Variants in TRDN observed in about 807,000 individuals in gnomAD.
TRDN encodes the protein triadin in skeletal muscle.
In TRDN, 161 loss-of-function variants were observed where a neutral mutation model predicts 149.7. The ratio of observed to expected loss-of-function variants is 1.08; its 90% CI spans 0.95 to 1.23. The LOEUF is 1.23. TRDN is among the 50% of genes most tolerant of loss of function. The pLI is 0.00. For synonymous variants in TRDN, 294 were observed against 250.5 expected, an observed-to-expected ratio of 1.17 and a Z score of -1.64; for missense variants, 896 against 823.5, an observed-to-expected ratio of 1.09 and a Z score of -1.08.
intron 1 of TRDN, among the ~76,000 whole-genome samples, chr6:123,594,929 GA>G (rs35954821): frequency 0.26 from 38,187 of 148,242 alleles, 5,019 homozygotes; most frequent in East Asian, 0.48. Context: ...ACAAGCAAGT[GA>G]AAAAAAAAAA....
At chr6:123,549,710 A>T (rs1277723161) in intron 2 of TRDN, among the ~76,000 whole-genome samples, 3 of 151,954 alleles carry the variant, frequency 2.0e-5, no homozygotes, top group Non-Finnish European at 2.9e-5. Flanking sequence ...GAACAGGGAG[A>T]TGAGTATGAA....
intron 4 of TRDN, among the ~76,000 whole-genome samples, chr6:123,540,231 G>A (rs1426676658): frequency 6.6e-6 from 1 of 152,138 alleles, no homozygotes; most frequent in Non-Finnish European, 1.5e-5. Context: ...CCAGATTAAT[G>A]GGAGTGAACC....
rs140016455 is a variant in TRDN at position 123,519,846 on chromosome 6, A to G, written c.485-3640T>C. Among the ~76,000 whole-genome samples, 239 of 151,972 alleles carry G rather than the reference A, an allele frequency of 1.6e-3. 1 individual carries two copies. The highest frequency in any genetic ancestry group is 5.4e-3 in the African/African-American group (223 of 41,504). ...ATTTTACTGATTTTTCTTTTAACTAATTCCTCTCATTTTCACATTTCTTGT... is the reference window on the plus strand; with the variant it reads ...ATTTTACTGATTTTTCTTTTAACTAGTTCCTCTCATTTTCACATTTCTTGT... On this transcript the variant is annotated intron_variant, in intron 5 of 40. Transcript: ENST00000334268.
intron 9 of TRDN, chr6:123,470,564 AAG>A (rs1478403514): frequency 6.6e-6 from 1 of 152,222 alleles, no homozygotes; most frequent in Non-Finnish European, 1.5e-5. Flanking sequence ...TGACTGGAGA[AAG>A]AGACTATGTT....
intron 1 of TRDN, among the ~76,000 whole-genome samples, chr6:123,571,678 C>A (rs191554205): frequency 1.3e-3 from 191 of 151,782 alleles, no homozygotes; most frequent in Middle Eastern, 3.4e-3. Context: ...TTAATCTCAC[C>A]ACCCAGAAAT....
chr6:123,567,031 T>C (rs1782329109), intron 2 of TRDN, among the ~76,000 whole-genome samples: 1 of 152,198 alleles, frequency 6.6e-6, no homozygotes, highest in Non-Finnish European at 1.5e-5. Context: ...AGAGCTTCCA[T>C]TGGAGAGCTG....
intron 3 of TRDN, 56 bp downstream of exon 3, chr6:123,548,398 T>TA (rs1183109955): frequency 7.5e-7 from 1 of 1,333,992 alleles, no homozygotes; most frequent in East Asian, 2.7e-5. Context: ...CAAGCCACTA[T>TA]AATACATATT....
chr6:123,584,874 T>C (rs1317467857), intron 1 of TRDN, among the ~76,000 whole-genome samples: 1 of 152,180 alleles, frequency 6.6e-6, no homozygotes, highest in African/African-American at 2.4e-5. Context: ...AACAATTTGG[T>C]TGATAAGGCG....
chr6:123,299,309 G>A (rs990054891), intron 24 of TRDN, among the ~76,000 whole-genome samples: 6 of 151,988 alleles, frequency 3.9e-5, no homozygotes, highest in African/African-American at 7.2e-5. Context: ...TGATGGACAT[G>A]GCTAAAGTAG....
At chr6:123,457,462 A>T (rs764864330) in intron 10 of TRDN, 46 of 346,868 alleles carry the variant, frequency 1.3e-4, no homozygotes, top group Non-Finnish European at 2.4e-4. Flanking sequence ...ATAACAAAAG[A>T]AGAAAGTTGT....
At chr6:123,473,739 G>A (rs955947745) in intron 9 of TRDN, among the ~76,000 whole-genome samples, 20 of 151,722 alleles carry the variant, frequency 1.3e-4, no homozygotes, top group South Asian at 4.2e-4. Flanking sequence ...GACTAACAGC[G>A]GATCTCTCGG....
intron 37 of TRDN, among the ~76,000 whole-genome samples, chr6:123,252,970 T>C (rs980119025): frequency 1.3e-5 from 2 of 152,138 alleles, no homozygotes; most frequent in Admixed American, 1.3e-4. Context: ...AAAATTACTT[T>C]GCATTATGTA....
At chr6:123,345,098 T>G (rs1309464074) in intron 21 of TRDN, among the ~76,000 whole-genome samples, 1 of 152,066 alleles carries the variant, frequency 6.6e-6, no homozygotes, top group Non-Finnish European at 1.5e-5. Context: ...CTTTTGTGTT[T>G]TATTTAAAAT....
chr6:123,384,443 A>C (rs1487033908), intron 14 of TRDN, among the ~76,000 whole-genome samples: 1 of 152,160 alleles, frequency 6.6e-6, no homozygotes, highest in Non-Finnish European at 1.5e-5. Flanking sequence ...TCATGTAGGA[A>C]TAAATTCAAC....
intron 19 of TRDN, among the ~76,000 whole-genome samples, chr6:123,372,547 G>A (rs1781361873): frequency 6.6e-6 from 1 of 152,050 alleles, no homozygotes. Flanking sequence ...GGCTGACCAT[G>A]CATATGGAAT....
intron 4 of TRDN, among the ~76,000 whole-genome samples, chr6:123,532,478 C>G (rs982481992): frequency 3.9e-5 from 6 of 152,036 alleles, no homozygotes; most frequent in East Asian, 1.9e-4. Flanking sequence ...TAAAAACAGG[C>G]CTGAGATTGC....
At chr6:123,618,954 T>G (rs1015160211) in intron 1 of TRDN, among the ~76,000 whole-genome samples, 5 of 152,120 alleles carry the variant, frequency 3.3e-5, no homozygotes, top group African/African-American at 1.2e-4. Flanking sequence ...TATATTTTAC[T>G]AAAGGAATAA....
intron 9 of TRDN, among the ~76,000 whole-genome samples, chr6:123,483,091 T>G (rs1186279218): frequency 6.8e-6 from 1 of 146,392 alleles, no homozygotes; most frequent in Non-Finnish European, 1.5e-5. Flanking sequence ...ATTATTATTA[T>G]TATTATTATT....
chr6:123,398,419 C>G (rs937282948), intron 12 of TRDN, among the ~76,000 whole-genome samples: 3 of 152,192 alleles, frequency 2.0e-5, no homozygotes, highest in African/African-American at 7.2e-5. Context: ...TTTGACCCAG[C>G]ATTATAAAAC....
Sources: gnomAD v4.1 joint callset for allele counts (sites outside exome capture counted in the v4.1 genomes callset) on GRCh38, gnomAD v4.1.1 for gene constraint, MANE v1.5 for transcripts, NCBI Gene and HGNC (gene_info 2026-07-23, HGNC 2026-07-21) for gene names.